The following DST variants were observed in gnomAD, a reference collection of about 807,000 sequenced individuals.
The protein encoded by DST is bullous pemphigoid antigen.
In DST, 253 loss-of-function variants were observed where a neutral mutation model predicts 875.2. That is an observed-to-expected ratio of 0.29 (90% CI 0.26 to 0.32). The LOEUF (loss-of-function observed/expected upper bound fraction) is 0.32, where lower values mean the gene tolerates loss of function less well. DST is among the 10% of genes least tolerant of loss of function. The pLI, the probability that DST is intolerant of heterozygous loss-of-function variation, is 1.00. For missense variants in DST, 8,287 were observed against 9,111.6 expected, an observed-to-expected ratio of 0.91 and a Z score of 3.68; for synonymous variants, 3,124 against 3,197.1, an observed-to-expected ratio of 0.98 and a Z score of 0.77.
rs34456344 is a variant in DST, at chr6:56,695,126, C to CAAAAAAAAAAAAAA, written c.1047+4513_1047+4526dup. ...TGGGCGACAGAGCGAGACTCCCTCT[C>CAAAAAAAAAAAAAA]AAAAAAAAAAAAAAAAAAAAAGAGT... On this transcript the variant is annotated intron_variant, in intron 9 of 103. Transcript: ENST00000680361. 1.4e-4 allele frequency among the ~76,000 whole-genome samples: 10 copies of CAAAAAAAAAAAAAA among 70,056 alleles called. 1 individual carries two copies. Among genetic ancestry groups the CAAAAAAAAAAAAAA allele is most frequent in the African/African-American group, 5.5e-4 (10 of 18,080 alleles). 46.0% of individuals were successfully genotyped at this position (70,056 alleles called of 152,430 possible).
intron 13 of DST, among the ~76,000 whole-genome samples, chr6:56,647,974 C>T (rs1169442942): frequency 3.3e-5 from 5 of 152,158 alleles, no homozygotes; most frequent in South Asian, 4.1e-4. Context: ...GTGTGACCCA[C>T]CGCACCCGGC....
chr6:56,870,146 A>C (rs1236453696), intron 3 of DST, among the ~76,000 whole-genome samples: 1 of 152,130 alleles, frequency 6.6e-6, no homozygotes, highest in African/African-American at 2.4e-5. Flanking sequence ...GCCAACTAAG[A>C]ATCCCTAAGC....
At chr6:56,680,411 C>T (rs1464706812) in intron 9 of DST, among the ~76,000 whole-genome samples, 1 of 152,172 alleles carries the variant, frequency 6.6e-6, no homozygotes, top group Admixed American at 6.5e-5. Context: ...ACTCATTCAG[C>T]AAACACTCAT....
At chr6:56,663,792 A>G (rs1219893332) in intron 10 of DST, among the ~76,000 whole-genome samples, 1 of 152,170 alleles carries the variant, frequency 6.6e-6, no homozygotes, top group Admixed American at 6.5e-5. Context: ...CTATCCAACT[A>G]CATACTCAGA....
chr6:56,538,822 T>C (rs1004457388), intron 61 of DST, among the ~76,000 whole-genome samples: 10 of 152,150 alleles, frequency 6.6e-5, no homozygotes, highest in Non-Finnish European at 1.0e-4. Flanking sequence ...ACCCAAATCA[T>C]TGAGGAAAAA....
At chr6:56,638,025 AT>A (rs2098843083) in intron 22 of DST, among the ~76,000 whole-genome samples, 2 of 152,174 alleles carry the variant, frequency 1.3e-5, no homozygotes, top group South Asian at 4.1e-4. Context: ...AATATTATCC[AT>A]GTACCCAAAC....
At chr6:56,507,078 G>A (rs529797887) in intron 75 of DST, among the ~76,000 whole-genome samples, 1 of 152,180 alleles carries the variant, frequency 6.6e-6, no homozygotes, top group East Asian at 1.9e-4. Flanking sequence ...CAACAATACT[G>A]TAAGGCTTAG....
intron 3 of DST, among the ~76,000 whole-genome samples, chr6:56,884,610 A>G (rs1330846865): frequency 6.6e-6 from 1 of 152,144 alleles, no homozygotes; most frequent in African/African-American, 2.4e-5. Flanking sequence ...TTGTAATTTC[A>G]TCATTCCTTC....
chr6:56,763,183 T>A (rs1219546708), intron 4 of DST, among the ~76,000 whole-genome samples: 1 of 152,156 alleles, frequency 6.6e-6, no homozygotes, highest in Non-Finnish European at 1.5e-5. Flanking sequence ...CATTTTCTCC[T>A]TGTTTACCTC....
At chr6:56,547,341 G>A (rs1005361856) in intron 61 of DST, among the ~76,000 whole-genome samples, 2 of 152,094 alleles carry the variant, frequency 1.3e-5, no homozygotes, top group East Asian at 3.9e-4. Flanking sequence ...TCTTCCTAAA[G>A]TTGTTAAATG....
At chr6:56,468,899 G>A in intron 98 of DST, 83 bp downstream of exon 98, 1 of 1,127,246 alleles carries the variant, frequency 8.9e-7, no homozygotes, top group East Asian at 2.7e-5. Flanking sequence ...GGGAAAGATT[G>A]GCCATGGCAA....
Position 56,618,535 on chromosome 6 carries a change from A to C in DST, c.4930-4051T>G. On this transcript the variant is annotated intron_variant, in intron 36 of 103. Coordinates refer to ENST00000680361, the MANE Select transcript of DST (RefSeq NM_001374736.1). ...CCTCACGCTTCTGGGCTATCAGCTC[A>C]TCCTCAAGTTTCTGACATTTTTGGT... 1.2e-6 allele frequency: 2 copies of C among 1,614,160 alleles called. No individual in the cohort carries two copies. Among genetic ancestry groups the C allele is most frequent in the Non-Finnish European group, 1.7e-6 (2 of 1,180,040 alleles).
In DST at chr6:56,509,844, C is replaced by G. The variant is rs1319692530; in HGVS notation, c.18810G>C (p.Glu6270Asp). 4 of 1,612,236 alleles carry G rather than the reference C, an allele frequency of 2.5e-6. No individual in the cohort carries two copies. The Admixed American group carries it at 5.0e-5, about 20-fold the overall frequency. Residue 6270 changes from glutamate to aspartate, a missense_variant, in exon 74 of 104, where the codon GAG (glutamate) becomes GAC (aspartate). This residue lies in a region of DST where 1,292 missense variants were observed against 1,552.7 expected (regional missense o/e 0.83). Coordinates refer to ENST00000680361, the MANE Select transcript of DST (RefSeq NM_001374736.1). ...GACGTTCCACGATGCGTTCCAGGCT[C>G]TCAAGGATCTGATCTATCTTGTCAT... ...QFHDKIDQIL[E>D]SLERIVERLR...
In DST at chr6:56,560,342, G is replaced by A. The variant is rs372505269; in HGVS notation, c.14392C>T (p.Pro4798Ser). Reference sequence around the variant, plus strand: ...CATCTGGGGGCCTCAGGAGTATCTGGGTTCTCCTCCAACAGCTCTGTCAAT... The same window carrying A: ...CATCTGGGGGCCTCAGGAGTATCTGAGTTCTCCTCCAACAGCTCTGTCAAT... The part of the protein sequence containing the change: ...DKLTELLEEN[P>S]DTPEAPRWKQ... Residue 4798 changes from proline (P) to serine (S), a missense_variant, in exon 58 of 104, where the codon CCA (proline) becomes TCA (serine). Pro to Ser is a moderately conservative substitution (Grantham distance 74, BLOSUM62 -1). Coordinates refer to ENST00000680361, the MANE Select transcript of DST (RefSeq NM_001374736.1). The A allele has an allele frequency of 1.2e-5, 20 of 1,610,454 alleles. No homozygotes were observed. The highest frequency in any genetic ancestry group is 1.6e-5 in the Non-Finnish European group (19 of 1,178,198).
At chr6:56,625,029 T>C (rs1220480594) in intron 35 of DST, 128 bp downstream of exon 35, 15 of 726,588 alleles carry the variant, frequency 2.1e-5, no homozygotes, top group African/African-American at 1.8e-5. Flanking sequence ...CATTAAACTG[T>C]ACATTTAAAA....
At position 56,603,316 on chromosome 6, in the gene DST, A is replaced by G. The variant is rs1252594660; in HGVS notation, c.11046T>C (p.His3682=). 3 of 1,611,158 alleles carry G rather than the reference A, an allele frequency of 1.9e-6. No homozygotes were observed. The highest frequency in any genetic ancestry group is 2.2e-5 in the East Asian group (1 of 44,794). The change falls in exon 42 of 104, where the codon CAT becomes CAC. Residue 3682 remains histidine (H), a synonymous_variant. Coordinates refer to ENST00000680361, the MANE Select transcript of DST (RefSeq NM_001374736.1). ...KSLPSDFPRG[H]VEELSISHQS... ...GGTGGCTAATACTCAATTCTTCAAC[A>G]TGGCCTCTGGGAAAGTCACTGGGAA...
chr6:56,880,214 G>A (rs1781465401), intron 3 of DST, among the ~76,000 whole-genome samples: 1 of 152,146 alleles, frequency 6.6e-6, no homozygotes, highest in South Asian at 2.1e-4. Flanking sequence ...ATAGTCTAGA[G>A]ATTCATTATT....
chr6:56,666,737 C>A (rs2099074055), intron 10 of DST, among the ~76,000 whole-genome samples: 1 of 139,480 alleles, frequency 7.2e-6, no homozygotes, highest in African/African-American at 2.6e-5. Flanking sequence ...AAAAACTACT[C>A]TTTTTTTTTT....
At chr6:56,891,356 A>G (rs1212365236) in intron 3 of DST, among the ~76,000 whole-genome samples, 1 of 152,070 alleles carries the variant, frequency 6.6e-6, no homozygotes, top group East Asian at 1.9e-4. Flanking sequence ...CCAGGAGTTC[A>G]AGACCAACCA....
Sources: gnomAD v4.1 joint callset for allele counts (sites outside exome capture counted in the v4.1 genomes callset) on GRCh38, gnomAD v4.1.1 for gene constraint, gnomAD v4.1.1 regional missense constraint, MANE v1.5 for transcripts, NCBI Gene and HGNC (gene_info 2026-07-23, HGNC 2026-07-21) for gene names.